The following CRADD variants were observed in gnomAD, a reference collection of about 807,000 sequenced individuals.
CRADD encodes the protein CARD and death domain containing adaptor protein.
In CRADD, 9 loss-of-function variants were observed where a neutral mutation model predicts 15.5. The ratio of observed to expected loss-of-function variants is 0.58; its 90% CI spans 0.35 to 1.01. CRADD has a LOEUF of 1.01. Ranked by LOEUF, CRADD falls within the 50% of genes least tolerant of loss-of-function variation. The pLI is 0.02. For synonymous variants in CRADD, 118 were observed against 107.6 expected (o/e 1.10, Z -0.60); for missense variants, 227 against 250.3 (o/e 0.91, Z 0.63).
At chr12:93,877,153 C>T (rs1331355110) in intron 2 of CRADD, among the ~76,000 whole-genome samples, 2 of 152,194 alleles carry the variant, frequency 1.3e-5, no homozygotes, top group Non-Finnish European at 2.9e-5. Context: ...TCTTCCCGTA[C>T]TTAACCAAAC....
At chr12:93,836,477 G>A (rs1163512309) in intron 2 of CRADD, among the ~76,000 whole-genome samples, 1 of 152,240 alleles carries the variant, frequency 6.6e-6, no homozygotes, top group Non-Finnish European at 1.5e-5. Flanking sequence ...AATGAAACAT[G>A]GATGTGGGAA....
chr12:93,761,357 C>T (rs1408784850), intron 2 of CRADD, among the ~76,000 whole-genome samples: 1 of 151,920 alleles, frequency 6.6e-6, no homozygotes, highest in Non-Finnish European at 1.5e-5. Flanking sequence ...AGTTAGGAGG[C>T]TCTAGTGGTG....
rs1317575820 is a variant in CRADD, at chr12:93,849,959, T to C, written c.299-11T>C. 2 of 1,551,644 alleles carry C rather than the reference T, an allele frequency of 1.3e-6. No individual in the cohort carries two copies. The highest frequency in any genetic ancestry group is 1.8e-6 in the Non-Finnish European group (2 of 1,123,438). ...TTGCTCATTTCACCGGGGTGTCTTT[T>C]TCCTCCTCAGGTGACAGATTGACTG... is the stretch of plus-strand genomic sequence containing the variant. On this transcript the variant is annotated splice_polypyrimidine_tract_variant and intron_variant, in intron 2 of 2. Coordinates refer to ENST00000332896, the MANE Select transcript of CRADD (RefSeq NM_003805.5).
chr12:93,779,739 A>G (rs967700455), intron 2 of CRADD, among the ~76,000 whole-genome samples: 1 of 152,000 alleles, frequency 6.6e-6, no homozygotes, highest in Non-Finnish European at 1.5e-5. Flanking sequence ...ACAGGTGCCC[A>G]CCACCATGTC....
chr12:93,822,876 T>A (rs1957783268), intron 2 of CRADD, among the ~76,000 whole-genome samples: 1 of 152,248 alleles, frequency 6.6e-6, no homozygotes, highest in Non-Finnish European at 1.5e-5. Context: ...ATTTTTTCTT[T>A]CAAATCTCTG....
intron 2 of CRADD, among the ~76,000 whole-genome samples, chr12:93,702,419 C>A (rs1416351853): frequency 6.6e-6 from 1 of 151,880 alleles, no homozygotes; most frequent in Admixed American, 6.6e-5. Context: ...CCCACATCCA[C>A]CAGATTTCCC....
At chr12:93,855,151 C>T (rs1593047318), downstream of CRADD, among the ~76,000 whole-genome samples, 1 of 151,804 alleles carries the variant, frequency 6.6e-6, no homozygotes. Flanking sequence ...GCCAAGATCG[C>T]GCCACTTCAC....
chr12:93,716,355 T>C (rs182221742), intron 2 of CRADD, among the ~76,000 whole-genome samples: 6 of 152,316 alleles, frequency 3.9e-5, no homozygotes, highest in East Asian at 1.9e-4. Flanking sequence ...TTTGTTATCA[T>C]TGATGAACTT....
intron 2 of CRADD, among the ~76,000 whole-genome samples, chr12:93,730,095 A>G (rs1956438343): frequency 6.6e-6 from 1 of 152,248 alleles, no homozygotes; most frequent in East Asian, 1.9e-4. Context: ...TTGTCTGCCA[A>G]GCACTGGGCT....
intron 2 of CRADD, among the ~76,000 whole-genome samples, chr12:93,795,386 G>A (rs753602830): frequency 2.6e-4 from 39 of 152,270 alleles, no homozygotes; most frequent in Non-Finnish European, 5.1e-4. Context: ...ATAGGTTAAA[G>A]AAGTACTGCA....
chr12:93,689,682 C>G lies in CRADD; in HGVS notation c.298+10610C>G, dbSNP rs371564642. ...AGCAGACAGGGTGGCAATACCATTA[C>G]CAAAATAATACCGCCGAGATGTACT... is the stretch of plus-strand genomic sequence containing the variant. On this transcript the variant is annotated intron_variant, in intron 2 of 2. Transcript: ENST00000332896. 3.3e-5 allele frequency among the ~76,000 whole-genome samples: 5 copies of G among 152,224 alleles called. No individual in the cohort carries two copies. In the East Asian group the frequency reaches 7.7e-4, roughly 24 times the overall value.
At chr12:93,756,276 T>C (rs1325617337) in intron 2 of CRADD, among the ~76,000 whole-genome samples, 1 of 152,226 alleles carries the variant, frequency 6.6e-6, no homozygotes, top group African/African-American at 2.4e-5. Context: ...AAATAATAAA[T>C]GTTCAATAAA....
At chr12:93,804,559 A>C (rs554150498) in intron 2 of CRADD, among the ~76,000 whole-genome samples, 1 of 152,240 alleles carries the variant, frequency 6.6e-6, no homozygotes, top group African/African-American at 2.4e-5. Context: ...TGCCGGAGTC[A>C]TGGTGTACTC....
intron 2 of CRADD, among the ~76,000 whole-genome samples, chr12:93,765,837 T>C (rs542483189): frequency 1.4e-5 from 2 of 139,594 alleles, no homozygotes; most frequent in African/African-American, 5.0e-5. Flanking sequence ...AAGCTGAGAA[T>C]GTTTTATTAA....
intron 2 of CRADD, among the ~76,000 whole-genome samples, chr12:93,715,898 T>G (rs1364741872): frequency 6.6e-6 from 1 of 152,086 alleles, no homozygotes; most frequent in Non-Finnish European, 1.5e-5. Context: ...TCCCAGCACT[T>G]TGAGAGGCTG....
intron 2 of CRADD, among the ~76,000 whole-genome samples, chr12:93,770,339 C>T (rs1190238393): frequency 6.6e-6 from 1 of 151,944 alleles, no homozygotes; most frequent in South Asian, 2.1e-4. Flanking sequence ...CCTCGTGATC[C>T]GCCCGCCTCG....
At chr12:93,854,244 A>G (rs1958252703), downstream of CRADD, among the ~76,000 whole-genome samples, 1 of 151,990 alleles carries the variant, frequency 6.6e-6, no homozygotes, top group Admixed American at 6.5e-5. Context: ...CTGAGGCAGG[A>G]TGCTCTAGGG....
At chr12:93,868,355 A>G (rs1027795620) in intron 2 of CRADD, among the ~76,000 whole-genome samples, 22 of 152,186 alleles carry the variant, frequency 1.4e-4, no homozygotes, top group Admixed American at 9.8e-4. Flanking sequence ...CTAATTTAGT[A>G]TCTCTCAAAG....
intron 2 of CRADD, among the ~76,000 whole-genome samples, chr12:93,704,221 A>G (rs1955898823): frequency 6.6e-6 from 1 of 152,200 alleles, no homozygotes; most frequent in Non-Finnish European, 1.5e-5. Flanking sequence ...CTACTGGATT[A>G]GAAAGTAGAA....
Sources: allele counts gnomAD v4.1 joint callset (sites outside exome capture counted in the v4.1 genomes callset), GRCh38; gene constraint gnomAD v4.1.1; transcripts MANE v1.5; gene names NCBI Gene and HGNC (gene_info 2026-07-23, HGNC 2026-07-21).